Variants in LARP4B observed in about 807,000 individuals in gnomAD.
LARP4B encodes la-related protein 4B.
LARP4B carries 12 observed loss-of-function variants against 89.8 expected under a neutral mutation model. The observed-to-expected ratio is 0.13, with a 90% confidence interval of 0.09 to 0.22. LARP4B has a LOEUF of 0.22. Ranked by LOEUF, LARP4B falls within the 10% of genes least tolerant of loss-of-function variation. LARP4B has a pLI of 1.00. For synonymous variants in LARP4B, 367 were observed against 363.3 expected (o/e 1.01, Z -0.12); for missense variants, 757 against 947.7 (o/e 0.80, Z 2.64).
At chr10:911,648 G>A (rs1184909076) in intron 1 of LARP4B, among the ~76,000 whole-genome samples, 3 of 152,102 alleles carry the variant, frequency 2.0e-5, no homozygotes, top group Admixed American at 6.6e-5. Flanking sequence ...TCTGAGACCC[G>A]CTTCGGAACA....
the LARP4B span, among the ~76,000 whole-genome samples, chr10:970,717 A>C: frequency 6.6e-6 from 1 of 152,110 alleles, no homozygotes; most frequent in Non-Finnish European, 1.5e-5. Flanking sequence ...TTGATGTGTA[A>C]GGAATGTGTT....
chr10:840,433 T>C (rs926856308), intron 7 of LARP4B, among the ~76,000 whole-genome samples: 1 of 152,180 alleles, frequency 6.6e-6, no homozygotes, highest in Non-Finnish European at 1.5e-5. Flanking sequence ...TTTATATACA[T>C]GGTATCACCT....
intron 6 of LARP4B, 71 bp downstream of exon 6, chr10:844,906 T>C (rs1833699883): frequency 8.9e-7 from 1 of 1,118,778 alleles, no homozygotes; most frequent in South Asian, 1.4e-5. Flanking sequence ...AAATATCACA[T>C]TTGTATATAC....
chr10:815,186 G>A, intron 15 of LARP4B, 116 bp from the exon 16 acceptor site: 2 of 1,248,302 alleles, frequency 1.6e-6, no homozygotes, highest in Non-Finnish European at 2.1e-6. Context: ...AGGACATAGG[G>A]GAAGAGGGTC....
intron 1 of LARP4B, among the ~76,000 whole-genome samples, chr10:929,255 C>T (rs1289730519): frequency 6.6e-6 from 1 of 151,418 alleles, no homozygotes; most frequent in Non-Finnish European, 1.5e-5. Flanking sequence ...AAAACAAAAA[C>T]AAAACTTTCT....
chr10:830,842 T>C, intron 9 of LARP4B, 25 bp downstream of exon 9: 1 of 986,664 alleles, frequency 1.0e-6, no homozygotes, highest in Non-Finnish European at 1.6e-6. Flanking sequence ...ATGCAATTCA[T>C]AGGGTGATGG....
At chr10:914,896 G>C (rs1836778444) in intron 1 of LARP4B, among the ~76,000 whole-genome samples, 1 of 150,150 alleles carries the variant, frequency 6.7e-6, no homozygotes, top group South Asian at 2.1e-4. Flanking sequence ...GACCATTTGT[G>C]GAAGATTAAT....
chr10:919,777 C>T (rs1349969237), intron 1 of LARP4B, among the ~76,000 whole-genome samples: 1 of 152,160 alleles, frequency 6.6e-6, no homozygotes, highest in Non-Finnish European at 1.5e-5. Flanking sequence ...GTGTTAACAG[C>T]GTGGACGTTA....
chr10:821,353 C>T lies in LARP4B; in HGVS notation c.1485-508G>A, dbSNP rs76511474. On this transcript the variant is annotated intron_variant, in intron 13 of 17. Coordinates refer to ENST00000316157, the MANE Select transcript of LARP4B (RefSeq NM_015155.3). ...AATGGCTGACCCCTTCCCACGAAAACCACACAAGGACCTCTGTGCCCCAAA... is the reference window on the plus strand; with the variant it reads ...AATGGCTGACCCCTTCCCACGAAAATCACACAAGGACCTCTGTGCCCCAAA... Among the ~76,000 whole-genome samples the T allele has an allele frequency of 5.6e-3, 853 of 152,300 alleles. 8 individuals carry two copies. Among genetic ancestry groups the T allele is most frequent in the African/African-American group, 0.018 (760 of 41,570 alleles).
intron 11 of LARP4B, among the ~76,000 whole-genome samples, chr10:826,195 G>A (rs958947152): frequency 3.3e-5 from 5 of 152,170 alleles, no homozygotes; most frequent in African/African-American, 9.7e-5. Context: ...AGTCTGATAC[G>A]ACCTCCATCA....
At chr10:870,550 A>T (rs1835149311) in intron 3 of LARP4B, among the ~76,000 whole-genome samples, 1 of 152,144 alleles carries the variant, frequency 6.6e-6, no homozygotes, top group South Asian at 2.1e-4. Context: ...TCACCTTAGC[A>T]TTTCCCATAA....
intron 5 of LARP4B, among the ~76,000 whole-genome samples, chr10:856,770 C>T (rs1034819584): frequency 6.6e-6 from 1 of 152,160 alleles, no homozygotes; most frequent in African/African-American, 2.4e-5. Flanking sequence ...GAAAAGTAAC[C>T]GTTTTGAAAA....
chr10:954,355 G>T, the LARP4B span, among the ~76,000 whole-genome samples: 1 of 152,270 alleles, frequency 6.6e-6, no homozygotes, highest in Middle Eastern at 3.4e-3. The surrounding 1 kb of genome is among the most constrained non-coding windows in gnomAD (Gnocchi z 5.0). Context: ...TCCTACATGT[G>T]GACGCGGACG....
At chr10:970,513 G>A in the LARP4B span, among the ~76,000 whole-genome samples, 1 of 152,176 alleles carries the variant, frequency 6.6e-6, no homozygotes, top group Admixed American at 6.5e-5. Context: ...CTAAGAGCTT[G>A]TAAATATTTG....
chr10:862,677 A>G (rs1834687727), intron 5 of LARP4B, among the ~76,000 whole-genome samples: 1 of 151,960 alleles, frequency 6.6e-6, no homozygotes, highest in African/African-American at 2.4e-5. Context: ...GGAGAATGGC[A>G]TGAACTCAGT....
chr10:854,145 C>A, intron 5 of LARP4B, among the ~76,000 whole-genome samples: 1 of 152,196 alleles, frequency 6.6e-6, no homozygotes, highest in East Asian at 1.9e-4. Flanking sequence ...GAGATTGCAG[C>A]AATTCAGTCA....
chr10:817,324 C>G (rs1305056676), intron 15 of LARP4B, among the ~76,000 whole-genome samples: 4 of 152,252 alleles, frequency 2.6e-5, no homozygotes. Context: ...TCCCAGGCTT[C>G]TTGCTCCTTG....
Position 825,753 on chromosome 10 carries a change from C to A in LARP4B, c.1232+11G>T, listed in dbSNP as rs770719103. On this transcript the variant is annotated intron_variant, in intron 12 of 17. Coordinates refer to ENST00000316157, the MANE Select transcript of LARP4B (RefSeq NM_015155.3). Reference sequence around the variant, plus strand: ...AAAGACCAAAACTGCTAAGACCGCCCCGGAACTTGCCTGCTTCGAGGAGGA... The same window carrying A: ...AAAGACCAAAACTGCTAAGACCGCCACGGAACTTGCCTGCTTCGAGGAGGA... 3 of 1,604,916 alleles carry A rather than the reference C, an allele frequency of 1.9e-6. No homozygotes were observed. Among genetic ancestry groups the A allele is most frequent in the Non-Finnish European group, 2.6e-6 (3 of 1,172,568 alleles).
At position 822,236 on chromosome 10, in the gene LARP4B, G is replaced by C. The variant is rs1184801785; in HGVS notation, c.1485-1391C>G. ...TGGGACAGGACTCAACTGGCCCTGG[G>C]GACCTGGGAGGGGTGTGAGACGGAT... On this transcript the variant is annotated intron_variant, in intron 13 of 17. Transcript: ENST00000316157. The surrounding 1 kb of genome is among the most constrained non-coding windows in gnomAD (Gnocchi z 4.6). Among the ~76,000 whole-genome samples the C allele has an allele frequency of 6.6e-6, 1 of 152,226 alleles. No homozygotes were observed. The highest frequency in any genetic ancestry group is 2.4e-5 in the African/African-American group (1 of 41,456).
Sources: allele counts gnomAD v4.1 joint callset (sites outside exome capture counted in the v4.1 genomes callset), GRCh38; gene constraint gnomAD v4.1.1; non-coding constraint Gnocchi (gnomAD v3.1); transcripts MANE v1.5; gene names NCBI Gene and HGNC (gene_info 2026-07-23, HGNC 2026-07-21).